The following ATP6V1H variants were observed in gnomAD, a reference collection of about 807,000 sequenced individuals.
ATP6V1H encodes the protein ATPase H+ transporting V1 subunit H, also known as V-type proton ATPase subunit H.
Under a neutral mutation model 71.7 loss-of-function variants are expected in ATP6V1H, and 39 were observed. The observed-to-expected ratio is 0.54, with a 90% confidence interval of 0.42 to 0.71. ATP6V1H has a LOEUF of 0.71. Ranked by LOEUF, ATP6V1H falls within the 30% of genes least tolerant of loss-of-function variation. ATP6V1H has a pLI of 0.00. For missense variants in ATP6V1H, 509 were observed against 594.9 expected (o/e 0.86, Z 1.50); for synonymous variants, 192 against 199.3 (o/e 0.96, Z 0.31).
At chr8:53,755,541 C>T (rs1164120859) in intron 12 of ATP6V1H, among the ~76,000 whole-genome samples, 1 of 148,824 alleles carries the variant, frequency 6.7e-6, no homozygotes, top group East Asian at 2.0e-4. Context: ...TTCCTAAGGG[C>T]CAGATAAGTA....
intron 2 of ATP6V1H, among the ~76,000 whole-genome samples, chr8:53,834,347 T>C (rs1811093864): frequency 6.6e-6 from 1 of 152,242 alleles, no homozygotes; most frequent in Non-Finnish European, 1.5e-5. Flanking sequence ...TATTAGAACA[T>C]GGGTAAAAGC....
At chr8:53,746,712 G>T (rs1807615453) in intron 12 of ATP6V1H, among the ~76,000 whole-genome samples, 1 of 151,938 alleles carries the variant, frequency 6.6e-6, no homozygotes, top group Non-Finnish European at 1.5e-5. Context: ...ATCTTCTCAA[G>T]ATGCAATTGA....
intron 4 of ATP6V1H, among the ~76,000 whole-genome samples, chr8:53,825,309 T>C (rs1477573015): frequency 6.6e-6 from 1 of 152,154 alleles, no homozygotes; most frequent in Non-Finnish European, 1.5e-5. Flanking sequence ...GGTGCTAGGA[T>C]TACAGGCATG....
At chr8:53,750,256 GTT>G (rs1394028612) in intron 12 of ATP6V1H, among the ~76,000 whole-genome samples, 2 of 152,146 alleles carry the variant, frequency 1.3e-5, no homozygotes, top group Non-Finnish European at 2.9e-5. Context: ...GATCAAAAGT[GTT>G]TCTTAAAACT....
chr8:53,790,814 T>C (rs1809542091), intron 9 of ATP6V1H, among the ~76,000 whole-genome samples: 1 of 152,210 alleles, frequency 6.6e-6, no homozygotes, highest in Non-Finnish European at 1.5e-5. Context: ...TGAAGCCTAG[T>C]TGTAGTAAAG....
At chr8:53,758,578 G>C (rs1018230390) in intron 11 of ATP6V1H, among the ~76,000 whole-genome samples, 13 of 152,176 alleles carry the variant, frequency 8.5e-5, no homozygotes, top group African/African-American at 2.9e-4. Context: ...TCCCTTAAAA[G>C]CCCACTTGTA....
intron 4 of ATP6V1H, among the ~76,000 whole-genome samples, chr8:53,829,223 T>C (rs1032113216): frequency 2.6e-5 from 4 of 152,184 alleles, no homozygotes; most frequent in African/African-American, 9.6e-5. Context: ...AAAATATACA[T>C]ATTGATTACT....
chr8:53,829,624 T>C, intron 3 of ATP6V1H, 91 bp from the exon 4 acceptor site: 2 of 765,202 alleles, frequency 2.6e-6, no homozygotes, highest in East Asian at 5.6e-5. Flanking sequence ...CTTTCATAAA[T>C]TAGGATACAA....
chr8:53,780,644 A>C (rs1809081253), intron 9 of ATP6V1H, among the ~76,000 whole-genome samples: 1 of 152,034 alleles, frequency 6.6e-6, no homozygotes, highest in African/African-American at 2.4e-5. Context: ...GCACCCATTA[A>C]CTAGTCATTT....
intron 1 of ATP6V1H, chr8:53,842,554 T>A (rs1345406748): frequency 1.3e-5 from 2 of 152,170 alleles, no homozygotes; most frequent in African/African-American, 4.8e-5. Context: ...TGGAACTTAA[T>A]CTCTGTATCT....
intron 9 of ATP6V1H, among the ~76,000 whole-genome samples, chr8:53,794,999 T>C (rs1242704307): frequency 1.3e-5 from 2 of 152,104 alleles, no homozygotes; most frequent in Admixed American, 6.5e-5. Flanking sequence ...AGCCATCCCA[T>C]AGAAGCCCAT....
chr8:53,772,591 T>C (rs879432678), intron 9 of ATP6V1H, among the ~76,000 whole-genome samples: 1 of 152,056 alleles, frequency 6.6e-6, no homozygotes, highest in Non-Finnish European at 1.5e-5. Flanking sequence ...GTCACCATTT[T>C]CCCCCATCTC....
intron 7 of ATP6V1H, among the ~76,000 whole-genome samples, chr8:53,809,887 C>G (rs144709802): frequency 1.3e-5 from 2 of 152,146 alleles, no homozygotes; most frequent in African/African-American, 4.8e-5. Context: ...GCCCCAGGAT[C>G]GCGTATCTAG....
intron 11 of ATP6V1H, among the ~76,000 whole-genome samples, chr8:53,768,504 T>C (rs888414561): frequency 6.6e-6 from 1 of 152,126 alleles, no homozygotes. Context: ...ATTGGCAATA[T>C]TTATAATAAC....
intron 11 of ATP6V1H, among the ~76,000 whole-genome samples, chr8:53,764,585 T>C (rs558350845): frequency 2.0e-5 from 3 of 152,152 alleles, no homozygotes; most frequent in African/African-American, 7.2e-5. Context: ...TACTGAATAA[T>C]GAGAAACTAG....
chr8:53,832,117 T>C (rs527267917), intron 3 of ATP6V1H: 1 of 152,130 alleles, frequency 6.6e-6, no homozygotes, highest in African/African-American at 2.4e-5. Flanking sequence ...ACAGGCATAG[T>C]AGGGAAGGGA....
intron 11 of ATP6V1H, among the ~76,000 whole-genome samples, chr8:53,763,403 C>T (rs1252371150): frequency 2.0e-5 from 3 of 152,138 alleles, no homozygotes; most frequent in African/African-American, 7.2e-5. Flanking sequence ...AACTTATTTT[C>T]TGAAATCTAC....
At chr8:53,839,682 C>T (rs1478827001) in intron 2 of ATP6V1H, 4 of 985,288 alleles carry the variant, frequency 4.1e-6, no homozygotes, top group Admixed American at 6.2e-5. Flanking sequence ...TTCTAACTCC[C>T]GGCTACAAGA....
chr8:53,839,132 G>A (rs923465841), intron 2 of ATP6V1H, among the ~76,000 whole-genome samples: 3 of 152,170 alleles, frequency 2.0e-5, no homozygotes, highest in African/African-American at 4.8e-5. Flanking sequence ...CATGGGTAAC[G>A]AAGAACAGAA....
Sources: allele counts gnomAD v4.1 joint callset (sites outside exome capture counted in the v4.1 genomes callset), GRCh38; gene constraint gnomAD v4.1.1; transcripts MANE v1.5; gene names NCBI Gene and HGNC (gene_info 2026-07-23, HGNC 2026-07-21).